Variants in INPP5A observed in about 807,000 individuals in gnomAD.
The protein encoded by INPP5A is 43 kDa inositol polyphosphate 5-phophatase.
Under a neutral mutation model 65.2 loss-of-function variants are expected in INPP5A, and 14 were observed. The ratio of observed to expected loss-of-function variants is 0.21; its 90% CI spans 0.14 to 0.34. The LOEUF (loss-of-function observed/expected upper bound fraction) is 0.34, where lower values mean the gene tolerates loss of function less well. Ranked by LOEUF, INPP5A falls within the 10% of genes least tolerant of loss-of-function variation. The pLI, the probability that INPP5A is intolerant of heterozygous loss-of-function variation, is 1.00. For missense variants in INPP5A, 431 were observed against 545.6 expected (o/e 0.79, Z 2.09); for synonymous variants, 207 against 208.3 (o/e 0.99, Z 0.05).
At position 132,552,422 on chromosome 10, in the gene INPP5A, G is replaced by C. The variant is rs528184889; in HGVS notation, c.75+14251G>C. ...GGGAGGATTGGTGAACGCCTTCTCA[G>C]AGCCTTGGTGGCATATTGAGTAGGA... On this transcript the variant is annotated intron_variant, in intron 1 of 15. Coordinates refer to ENST00000368594, the MANE Select transcript of INPP5A (RefSeq NM_005539.5). 6.3e-5 allele frequency among the ~76,000 whole-genome samples: 9 copies of C among 142,844 alleles called. No individual in the cohort carries two copies. The South Asian group carries it at 2.1e-3, about 33-fold the overall frequency. The allele number at this position is 142,844 out of a possible 152,430, so 93.7% of individuals were successfully genotyped here.
At chr10:132,541,235 C>T (rs969171669) in intron 1 of INPP5A, among the ~76,000 whole-genome samples, 1 of 152,190 alleles carries the variant, frequency 6.6e-6, no homozygotes, top group Non-Finnish European at 1.5e-5. Context: ...GCCTCGGCTT[C>T]CCAAAGTGCT....
At chr10:132,617,850 A>G (rs1468424695) in intron 2 of INPP5A, among the ~76,000 whole-genome samples, 3 of 152,268 alleles carry the variant, frequency 2.0e-5, no homozygotes, top group African/African-American at 7.2e-5. Flanking sequence ...GCAGGTGTGC[A>G]GTCCACAAGT....
intron 11 of INPP5A, among the ~76,000 whole-genome samples, chr10:132,758,144 T>C (rs1289797099): frequency 2.1e-4 from 18 of 84,434 alleles, no homozygotes; most frequent in East Asian, 4.4e-4. Flanking sequence ...AGTGCGATGT[T>C]GTGGGTCCCT....
Position 132,538,205 on chromosome 10 carries a change from C to G in INPP5A, c.75+34C>G, listed in dbSNP as rs1022519669. 5.7e-6 allele frequency: 7 copies of G among 1,224,518 alleles called. No individual in the cohort carries two copies. Among genetic ancestry groups the G allele is most frequent in the Non-Finnish European group, 7.2e-6 (7 of 969,732 alleles). 75.9% of individuals were successfully genotyped at this position (1,224,518 alleles called of 1,614,324 possible). On this transcript the variant is annotated intron_variant, in intron 1 of 15. Transcript: ENST00000368594. The surrounding 1 kb of genome is among the most constrained non-coding windows in gnomAD (Gnocchi z 4.1). ...CCCGTGCCGGCGGCAGGCCCCAAGC[C>G]CGGAACCCCCGACCCTGACCCCGGG...
chr10:132,623,345 T>C (rs1218248390), intron 2 of INPP5A, among the ~76,000 whole-genome samples: 1 of 150,668 alleles, frequency 6.6e-6, no homozygotes, highest in Admixed American at 6.6e-5. Flanking sequence ...GACTCACACA[T>C]ACAGTTAGGA....
rs1359279437 is a variant in INPP5A, at chr10:132,782,251, T to A, written c.*222T>A. 1 of 9,046 alleles carries A rather than the reference T, an allele frequency of 1.1e-4. No homozygotes were observed. The highest frequency in any genetic ancestry group is 4.5e-4 in the Non-Finnish European group (1 of 2,222). 0.6% of individuals were successfully genotyped at this position (9,046 alleles called of 1,614,324 possible). ...ATGTGACATTAAGTAGAAATATTGG[T>A]TTTTTTTTTTTTTTTTTAAATAAGT... On this transcript the variant is annotated 3_prime_UTR_variant, in exon 16 of 16. Coordinates refer to ENST00000368594, the MANE Select transcript of INPP5A (RefSeq NM_005539.5). This position sits in a 1 kb window ranked among gnomAD's most constrained non-coding sequence, Gnocchi z 4.4.
chr10:132,764,830 G>A (rs1846809200), intron 11 of INPP5A, among the ~76,000 whole-genome samples: 1 of 143,002 alleles, frequency 7.0e-6, no homozygotes, highest in Non-Finnish European at 1.5e-5. Flanking sequence ...GGGTGTGTGT[G>A]GTGACACTCA....
chr10:132,580,628 T>C (rs2133299172), intron 1 of INPP5A, among the ~76,000 whole-genome samples: 1 of 152,352 alleles, frequency 6.6e-6, no homozygotes. Context: ...AGCCCTTTTA[T>C]TTTTGATTCT....
chr10:132,562,514 A>G (rs1590830744), intron 1 of INPP5A, among the ~76,000 whole-genome samples: 1 of 152,218 alleles, frequency 6.6e-6, no homozygotes, highest in South Asian at 2.1e-4. Context: ...GGCTCCCTGC[A>G]CACCCGTCAC....
At position 132,627,008 on chromosome 10, in the gene INPP5A, G is replaced by C. The variant is rs2072193714; in HGVS notation, c.118-18860G>C. On this transcript the variant is annotated intron_variant, in intron 2 of 15. Transcript: ENST00000368594. This position sits in a 1 kb window ranked among gnomAD's most constrained non-coding sequence, Gnocchi z 6.6. Reference sequence around the variant, plus strand: ...CAGTGTAATGGTATTGAGGGGGGTGGGCCCTTTGGGAGGTGATGGGGTGAG... The same window carrying C: ...CAGTGTAATGGTATTGAGGGGGGTGCGCCCTTTGGGAGGTGATGGGGTGAG... Among the ~76,000 whole-genome samples, 1 of 152,160 alleles carries C rather than the reference G, an allele frequency of 6.6e-6. No homozygotes were observed. The highest frequency in any genetic ancestry group is 1.5e-5 in the Non-Finnish European group (1 of 68,024).
At chr10:132,779,121 C>A (rs903368697) in intron 13 of INPP5A, among the ~76,000 whole-genome samples, 16 of 152,256 alleles carry the variant, frequency 1.1e-4, no homozygotes, top group African/African-American at 2.9e-4. Context: ...GGCTCCTCCG[C>A]AGCCCCACCT....
Position 132,678,536 on chromosome 10 carries a change from G to A in INPP5A, c.307-11856G>A, listed in dbSNP as rs973531685. The stretch of plus-strand genomic sequence containing the variant: ...CCTTGGGTTGTGCTTTGAGACCTGA[G>A]CTGAGGGTTCTGTCCAGCGGTCCTG... On this transcript the variant is annotated intron_variant, in intron 4 of 15. Coordinates refer to ENST00000368594, the MANE Select transcript of INPP5A (RefSeq NM_005539.5). This position sits in a 1 kb window ranked among gnomAD's most constrained non-coding sequence, Gnocchi z 4.1. Among the ~76,000 whole-genome samples the A allele has an allele frequency of 6.6e-6, 1 of 152,132 alleles. No individual in the cohort carries two copies. Among genetic ancestry groups the A allele is most frequent in the African/African-American group, 2.4e-5 (1 of 41,432 alleles).
intron 1 of INPP5A, among the ~76,000 whole-genome samples, chr10:132,559,399 A>C (rs2133266429): frequency 6.6e-6 from 1 of 152,340 alleles, no homozygotes; most frequent in East Asian, 1.9e-4. Context: ...CCTACAGTTC[A>C]GTGTTTTAGC....
intron 6 of INPP5A, among the ~76,000 whole-genome samples, chr10:132,699,362 T>TGGG (rs57176794): frequency 1.2e-4 from 12 of 98,832 alleles, no homozygotes; most frequent in African/African-American, 4.4e-4. Context: ...GGTGCTGGGG[T>TGGG]GGGGGGGGGC....
At chr10:132,683,081 A>G (rs558463013) in intron 4 of INPP5A, among the ~76,000 whole-genome samples, 1 of 147,530 alleles carries the variant, frequency 6.8e-6, no homozygotes, top group Non-Finnish European at 1.5e-5. Context: ...CGCACATTTA[A>G]TCCACGTGCA....
chr10:132,774,791 TACAGGGAGGAGAGAGGG>T (rs1022716344), intron 12 of INPP5A, among the ~76,000 whole-genome samples: 2 of 142,038 alleles, frequency 1.4e-5, no homozygotes, highest in South Asian at 2.2e-4. Context: ...GCCCGCATCC[TACAGGGAGGAGAGAGGG>T]GCAGGGAGGA....
chr10:132,671,752 A>T (rs2133438855), intron 4 of INPP5A, among the ~76,000 whole-genome samples: 1 of 152,312 alleles, frequency 6.6e-6, no homozygotes, highest in South Asian at 2.1e-4. Context: ...CAGCCCTATG[A>T]AGTGGGTACT....
chr10:132,543,298 G>A lies in INPP5A; in HGVS notation c.75+5127G>A, dbSNP rs970994307. On this transcript the variant is annotated intron_variant, in intron 1 of 15. Transcript: ENST00000368594. ...TCCTCTCTGTGGATTTGCCTGTCCC[G>A]GGCGTTTCACATACATGGGATCAGA... is the stretch of plus-strand genomic sequence containing the variant. 5.9e-5 allele frequency among the ~76,000 whole-genome samples: 9 copies of A among 151,312 alleles called. No individual in the cohort carries two copies. The East Asian group carries it at 1.6e-3, about 26-fold the overall frequency.
Position 132,539,679 on chromosome 10 carries a change from C to T in INPP5A, c.75+1508C>T, listed in dbSNP as rs975510144. Among the ~76,000 whole-genome samples, 3 of 152,136 alleles carry T rather than the reference C, an allele frequency of 2.0e-5. No individual in the cohort carries two copies. The East Asian group carries it at 5.8e-4, about 29-fold the overall frequency. ...CAGATGGAGGCCGTGGAGCCACGGA[C>T]GCTCCCTCCCTCCCTCCCTCCCTCC... On this transcript the variant is annotated intron_variant, in intron 1 of 15. Transcript: ENST00000368594.
Sources: allele counts gnomAD v4.1 joint callset (sites outside exome capture counted in the v4.1 genomes callset), GRCh38; gene constraint gnomAD v4.1.1; non-coding constraint Gnocchi (gnomAD v3.1); transcripts MANE v1.5; gene names NCBI Gene and HGNC (gene_info 2026-07-23, HGNC 2026-07-21).